PDE12: variants seen among roughly 807,000 people sequenced by gnomAD.
PDE12 encodes phosphodiesterase 12, also known as 2',5'-phosphodiesterase 12.
PDE12 carries 26 observed loss-of-function variants against 45.4 expected under a neutral mutation model. The observed-to-expected ratio is 0.57, with a 90% CI of 0.42 to 0.79. PDE12 has a LOEUF of 0.79. PDE12 is among the 30% of genes least tolerant of loss of function. The pLI is 0.00. For synonymous variants in PDE12, 283 were observed against 323.9 expected (o/e 0.87, Z 1.36); for missense variants, 668 against 790.0 (o/e 0.85, Z 1.85).
At chr3:57,559,534 C>A in intron 2 of PDE12, 28 bp from the exon 3 acceptor site, 1 of 1,573,304 alleles carries the variant, frequency 6.4e-7, no homozygotes, top group South Asian at 1.2e-5. Context: ...TTAAAAAATA[C>A]TTACATTAAT....
the PDE12 span, chr3:57,584,088 G>C: frequency 4.5e-5 from 45 of 1,002,170 alleles, no homozygotes; most frequent in Admixed American, 4.3e-4. Flanking sequence ...TCTTAGAATA[G>C]TGTTTTTAAA....
the PDE12 span, chr3:57,645,841 T>C: frequency 1.1e-6 from 1 of 925,406 alleles, no homozygotes; most frequent in Admixed American, 2.4e-5. Flanking sequence ...ATACAAACGG[T>C]ATACACACAA....
the PDE12 span, chr3:57,628,302 A>G: frequency 6.2e-7 from 1 of 1,614,184 alleles, no homozygotes; most frequent in South Asian, 1.1e-5. Flanking sequence ...TAACTTTTCC[A>G]TAGTGTCAGG....
chr3:57,634,603 CT>C, the PDE12 span: 1 of 1,471,148 alleles, frequency 6.8e-7, no homozygotes, highest in Non-Finnish European at 9.1e-7. Context: ...TTAAATATGG[CT>C]TATATGAAGT....
In PDE12 at chr3:57,566,297, C is replaced by T. The variant is rs2153407870; in HGVS notation, c.*6293C>T. ...TTTTACTTAGGATGTTTTTAAGGTTCTTACTGTTGTAGGATGTATCAGGAG... is the reference window on the plus strand; with the variant it reads ...TTTTACTTAGGATGTTTTTAAGGTTTTTACTGTTGTAGGATGTATCAGGAG... On this transcript the variant is annotated 3_prime_UTR_variant, in exon 3 of 3. Transcript: ENST00000311180. 6.6e-6 allele frequency: 1 copy of T among 152,254 alleles called. No homozygotes were observed. 9.4% of individuals were successfully genotyped at this position (152,254 alleles called of 1,614,324 possible). A position where few individuals can be genotyped will look rare whatever the true frequency, so the allele number is the denominator to read the frequency against.
chr3:57,656,192 CCCCAG>C, the PDE12 span, among the ~76,000 whole-genome samples: 1 of 152,146 alleles, frequency 6.6e-6, no homozygotes, highest in Non-Finnish European at 1.5e-5. Flanking sequence ...AGATTTCCTC[CCCCAG>C]CCCCAGGTAA....
chr3:57,593,772 C>T, the PDE12 span, among the ~76,000 whole-genome samples: 5 of 152,088 alleles, frequency 3.3e-5, no homozygotes, highest in African/African-American at 7.2e-5. Flanking sequence ...CTCAGTGGCT[C>T]GCCCTGTAAC....
At chr3:57,630,480 G>A in the PDE12 span, 4 of 1,594,546 alleles carry the variant, frequency 2.5e-6, no homozygotes, top group Non-Finnish European at 2.6e-6. Context: ...TCCTTCCTCC[G>A]GGTCTTAAAC....
At chr3:57,588,617 G>A in the PDE12 span, among the ~76,000 whole-genome samples, 10 of 150,082 alleles carry the variant, frequency 6.7e-5, no homozygotes, top group African/African-American at 2.5e-4. Flanking sequence ...ACTTTGGGAA[G>A]CCAAGGCGGG....
chr3:57,654,494 CA>C, the PDE12 span: 2 of 409,494 alleles, frequency 4.9e-6, no homozygotes, highest in Non-Finnish European at 6.6e-6. Flanking sequence ...CAATAGGGAA[CA>C]GGGGAGAGAA....
chr3:57,614,522 C>CGTTTTTTTTGTTTTGTTTT, the PDE12 span, among the ~76,000 whole-genome samples: 2 of 134,784 alleles, frequency 1.5e-5, no homozygotes, highest in Non-Finnish European at 3.2e-5. Flanking sequence ...GCCTGTAATC[C>CGTTTTTTTTGTTTTGTTTT]GTTTTTTTTT....
chr3:57,619,095 A>G, the PDE12 span, among the ~76,000 whole-genome samples: 2 of 152,162 alleles, frequency 1.3e-5, no homozygotes, highest in Non-Finnish European at 2.9e-5. Context: ...CACGCCTGTA[A>G]TCCCAGCACT....
chr3:57,652,825 A>C, the PDE12 span, among the ~76,000 whole-genome samples: 9 of 151,912 alleles, frequency 5.9e-5, no homozygotes, highest in African/African-American at 2.2e-4. Flanking sequence ...CTGCAAAATA[A>C]CTGTCCTGTA....
rs1292707772 is a variant in PDE12 at position 57,565,730 on chromosome 3, G to C, written c.*5726G>C. ...AGGCAGGAGAATCACTTGAACCCGG[G>C]AGGCAGAGGTTGCAGTGAGCCGAGA... On this transcript the variant is annotated 3_prime_UTR_variant, in exon 3 of 3. Coordinates refer to ENST00000311180, the MANE Select transcript of PDE12 (RefSeq NM_177966.7). 6.6e-6 allele frequency: 1 copy of C among 152,372 alleles called. No homozygotes were observed. The highest frequency in any genetic ancestry group is 2.4e-5 in the African/African-American group (1 of 41,414). 9.4% of individuals were successfully genotyped at this position (152,372 alleles called of 1,614,324 possible).
At chr3:57,575,896 A>T in the PDE12 span, among the ~76,000 whole-genome samples, 2 of 152,324 alleles carry the variant, frequency 1.3e-5, no homozygotes, top group South Asian at 4.1e-4. Context: ...TTTCCAAGTC[A>T]ATCATCCTAC....
the PDE12 span, chr3:57,641,705 C>A: frequency 6.2e-7 from 1 of 1,612,422 alleles, no homozygotes; most frequent in Non-Finnish European, 8.5e-7. Flanking sequence ...GCTGGAGTGT[C>A]TTAGCAAAAA....
chr3:57,655,696 C>T, the PDE12 span, among the ~76,000 whole-genome samples: 1 of 152,154 alleles, frequency 6.6e-6, no homozygotes, highest in Non-Finnish European at 1.5e-5. Flanking sequence ...TGTGTTTAAA[C>T]TTGGGCCCAT....
the PDE12 span, chr3:57,634,434 CAAAAAAAAA>C: frequency 3.7e-6 from 1 of 269,798 alleles, no homozygotes; most frequent in African/African-American, 3.0e-5. Context: ...CTCTGTCTCC[CAAAAAAAAA>C]AAAAAAAAGG....
At chr3:57,606,628 C>G in the PDE12 span, among the ~76,000 whole-genome samples, 3 of 151,878 alleles carry the variant, frequency 2.0e-5, no homozygotes, top group Non-Finnish European at 4.4e-5. Flanking sequence ...ACAAAAATAA[C>G]ATACTGTGAG....
Sources: allele counts gnomAD v4.1 joint callset (sites outside exome capture counted in the v4.1 genomes callset), GRCh38; gene constraint gnomAD v4.1.1; transcripts MANE v1.5; gene names NCBI Gene and HGNC (gene_info 2026-07-23, HGNC 2026-07-21).